PLOD1: variants seen among roughly 807,000 people sequenced by gnomAD.
The protein encoded by PLOD1 is procollagen-lysine,2-oxoglutarate 5-dioxygenase 1.
A neutral mutation model predicts 94.7 loss-of-function variants in PLOD1; 70 were observed. The ratio of observed to expected loss-of-function variants is 0.74; its 90% CI spans 0.61 to 0.90. The LOEUF is 0.90. PLOD1 is among the 40% of genes least tolerant of loss of function. PLOD1 has a pLI of 0.00. For missense variants in PLOD1, 905 were observed against 972.7 expected, an observed-to-expected ratio of 0.93 and a Z score of 0.93; for synonymous variants, 417 against 400.2, an observed-to-expected ratio of 1.04 and a Z score of -0.50.
At chr1:11,968,859 T>C (rs1291557061) in intron 16 of PLOD1, among the ~76,000 whole-genome samples, 34 of 133,022 alleles carry the variant, frequency 2.6e-4, no homozygotes, top group Admixed American at 2.5e-3. Flanking sequence ...TTTTTTTTGG[T>C]GAAGTGGAGC....
At chr1:11,945,937 G>A (rs1645651056) in intron 1 of PLOD1, among the ~76,000 whole-genome samples, 1 of 152,112 alleles carries the variant, frequency 6.6e-6, no homozygotes. Flanking sequence ...TCGAACTCCT[G>A]ATCTCAAGTG....
At chr1:11,948,455 T>A (rs559089613) in intron 2 of PLOD1, among the ~76,000 whole-genome samples, 1 of 152,058 alleles carries the variant, frequency 6.6e-6, no homozygotes, top group Non-Finnish European at 1.5e-5. Flanking sequence ...ACATGAGTGG[T>A]CCCGCACAGG....
rs1557498296 is a variant in PLOD1, at chr1:11,967,594, T to TATATATATATATATATAAA, written c.1755+503_1755+504insATATATATATATATATAAA. ...TTTTTTTTCTTTTCATGTGTGTGTG[T>TATATATATATATATATAAA]GTGTATATATATATATATATAAAAA... On this transcript the variant is annotated intron_variant, in intron 16 of 18. Transcript: ENST00000196061. 3.7e-5 allele frequency among the ~76,000 whole-genome samples: 4 copies of TATATATATATATATATAAA among 109,556 alleles called. 1 individual carries two copies. The highest frequency in any genetic ancestry group is 1.8e-4 in the African/African-American group (4 of 21,796). The allele number at this position is 109,556 out of a possible 152,430, so 71.9% of individuals were successfully genotyped here. A position where few individuals can be genotyped will look rare whatever the true frequency, so the allele number is the denominator to read the frequency against.
Position 11,941,467 on chromosome 1 carries a change from G to GATTATT in PLOD1, c.77-6487_77-6482dup, listed in dbSNP as rs145464263. On this transcript the variant is annotated intron_variant, in intron 1 of 18. Coordinates refer to ENST00000196061, the MANE Select transcript of PLOD1 (RefSeq NM_000302.4). The stretch of plus-strand genomic sequence containing the variant: ...CTGCCTTAGTCTCCTAAGTAGCTGG[G>GATTATT]ATTATTATTATTATTATTATTATTA... Among the ~76,000 whole-genome samples, 156 of 141,898 alleles carry GATTATT rather than the reference G, an allele frequency of 1.1e-3. 2 individuals carry two copies. The East Asian group carries it at 0.019, about 17-fold the overall frequency. The allele number at this position is 141,898 out of a possible 152,430, so 93.1% of individuals were successfully genotyped here. A position where few individuals can be genotyped will look rare whatever the true frequency, so the allele number is the denominator to read the frequency against.
rs181951731 is a variant in PLOD1 at position 11,973,005 on chromosome 1, G to T, written c.2028+8G>T. ...GTCGGGGTGGATTACGAGGTGAGCA[G>T]GAGCCAGCCGGGGTCAAGGGGCCGG... On this transcript the variant is annotated splice_region_variant and intron_variant, in intron 18 of 18. Transcript: ENST00000196061. 225 of 1,613,876 alleles carry T rather than the reference G, an allele frequency of 1.4e-4. No individual in the cohort carries two copies. In the African/African-American group the frequency reaches 2.6e-3, roughly 19 times the overall value.
intron 17 of PLOD1, among the ~76,000 whole-genome samples, chr1:11,971,177 G>A (rs1486999040): frequency 4.7e-5 from 5 of 106,868 alleles, no homozygotes; most frequent in Admixed American, 2.0e-4. Flanking sequence ...TGGGGAGGTC[G>A]AGGCCAGTGT....
Position 11,948,035 on chromosome 1 carries a change from C to T in PLOD1, c.136C>T (p.Arg46Cys), listed in dbSNP as rs138698098. The T allele has an allele frequency of 3.9e-5, 63 of 1,613,814 alleles. No individual in the cohort carries two copies. In the Middle Eastern group the frequency reaches 4.9e-4, roughly 13 times the overall value. Residue 46 changes from arginine to cysteine, a missense_variant, in exon 2 of 19, where the codon CGC becomes TGC. Coordinates refer to ENST00000196061, the MANE Select transcript of PLOD1 (RefSeq NM_000302.4). ...GACCGAGGGATTCCGTCGCTTCAAG[C>T]GCTCAGCTCAGTTCTTCAACTACAA... Reference protein sequence around the residue: ...KETEGFRRFKRSAQFFNYKIQ... With the variant: ...KETEGFRRFKCSAQFFNYKIQ...
chr1:11,961,318 G>A (rs981737227), intron 10 of PLOD1, among the ~76,000 whole-genome samples: 1 of 152,142 alleles, frequency 6.6e-6, no homozygotes, highest in African/African-American at 2.4e-5. Flanking sequence ...CCGGGAAGTC[G>A]AGGTTGCATG....
chr1:11,963,409 T>A lies in PLOD1; in HGVS notation c.1098-123T>A. 1.4e-6 allele frequency: 1 copy of A among 712,292 alleles called. No individual in the cohort carries two copies. Among genetic ancestry groups the A allele is most frequent in the South Asian group, 1.5e-5 (1 of 66,786 alleles). 44.1% of individuals were successfully genotyped at this position (712,292 alleles called of 1,614,324 possible). A position where few individuals can be genotyped will look rare whatever the true frequency, so the allele number is the denominator to read the frequency against. On this transcript the variant is annotated intron_variant, in intron 10 of 18. Transcript: ENST00000196061. The surrounding 1 kb of genome is among the most constrained non-coding windows in gnomAD (Gnocchi z 4.3). The stretch of plus-strand genomic sequence containing the variant: ...AGTCGGGAGGAACCTTTGAGGCTGC[T>A]GGTGTGACCTCTCTAAAGCCCCTTG...
rs530838615 is a variant in PLOD1, at chr1:11,950,223, C to T, written c.303-134C>T. 9.1e-6 allele frequency: 8 copies of T among 882,126 alleles called. No homozygotes were observed. In the African/African-American group the frequency reaches 1.2e-4, roughly 13 times the overall value. The allele number at this position is 882,126 out of a possible 1,614,324, so 54.6% of individuals were successfully genotyped here. A position where few individuals can be genotyped will look rare whatever the true frequency, so the allele number is the denominator to read the frequency against. ...TGCAGACAGAGACAGGTCCATTTCC[C>T]AGATGGTGGCCCAGGCTGGCGTGGG... On this transcript the variant is annotated intron_variant, in intron 3 of 18. Coordinates refer to ENST00000196061, the MANE Select transcript of PLOD1 (RefSeq NM_000302.4).
chr1:11,965,150 C>CT lies in PLOD1; in HGVS notation c.1471-315dup, dbSNP rs570781705. On this transcript the variant is annotated intron_variant, in intron 13 of 18. Transcript: ENST00000196061. Reference sequence around the variant, plus strand: ...CGCCCCACCCCATATATTTTTGTGACTTTTTTTTTTTTTTTAAACATGCAG... The same window carrying CT: ...CGCCCCACCCCATATATTTTTGTGACTTTTTTTTTTTTTTTTAAACATGCAG... 0.032 allele frequency among the ~76,000 whole-genome samples: 4,640 copies of CT among 143,172 alleles called. 208 individuals carry two copies. Among genetic ancestry groups the CT allele is most frequent in the African/African-American group, 0.1 (3,941 of 39,292 alleles). The allele number at this position is 143,172 out of a possible 152,430, so 93.9% of individuals were successfully genotyped here. A position where few individuals can be genotyped will look rare whatever the true frequency, so the allele number is the denominator to read the frequency against.
In PLOD1 at chr1:11,964,812, C is replaced by T. The variant is rs76974801; in HGVS notation, c.1470+27C>T. The T allele has an allele frequency of 2.7e-3, 4,422 of 1,612,486 alleles. 59 individuals carry two copies. The highest frequency in any genetic ancestry group is 0.026 in the East Asian group (1,170 of 44,872). On this transcript the variant is annotated intron_variant, in intron 13 of 18. Transcript: ENST00000196061. ...TCAGCCAGGAGCGGGCAGCACAGGA[C>T]GCCCTCTGGATGGGGCAGGCGGGAA...
Position 11,962,263 on chromosome 1 carries a change from ATTTTTGTTTTCTTT to A in PLOD1, c.1098-1263_1098-1250del, listed in dbSNP as rs1395404921. ...CACATAATTTTTACATCTTCTTTTG[ATTTTTGTTTTCTTT>A]TTTTTTTTTTTTTTTTTGAGATGGA... On this transcript the variant is annotated intron_variant, in intron 10 of 18. Coordinates refer to ENST00000196061, the MANE Select transcript of PLOD1 (RefSeq NM_000302.4). 5.3e-3 allele frequency among the ~76,000 whole-genome samples: 543 copies of A among 103,132 alleles called. 10 individuals carry two copies. Among genetic ancestry groups the A allele is most frequent in the African/African-American group, 0.019 (520 of 26,850 alleles). 67.7% of individuals were successfully genotyped at this position (103,132 alleles called of 152,430 possible).
At chr1:11,942,871 T>A (rs1408386439) in intron 1 of PLOD1, among the ~76,000 whole-genome samples, 1 of 152,180 alleles carries the variant, frequency 6.6e-6, no homozygotes, top group Non-Finnish European at 1.5e-5. Flanking sequence ...GATGCTGATG[T>A]GTGGGCAGGT....
chr1:11,970,708 TA>T lies in PLOD1; in HGVS notation c.1795del (p.Ile599LeufsTer5), dbSNP rs1557500194. On this transcript the variant is annotated frameshift_variant, in exon 17 of 19. Transcript: ENST00000196061. LOFTEE classifies it high-confidence loss of function. ...AGGGTGGCTACGAGAACGTGCCGACTATTGACATCCACATGAACCAGATCGG... is the reference window on the plus strand; with the variant it reads ...AGGGTGGCTACGAGAACGTGCCGACTTTGACATCCACATGAACCAGATCGG... ...IQGGYENVPTIDIHMNQIGFE... is the reference protein window; with the variant it reads ...IQGGYENVPTXDIHMNQIGFE... 1 of 1,613,112 alleles carries T rather than the reference TA, an allele frequency of 6.2e-7. No homozygotes were observed. The highest frequency in any genetic ancestry group is 1.7e-5 in the Admixed American group (1 of 59,932).
chr1:11,938,447 G>T (rs1273778294), intron 1 of PLOD1, among the ~76,000 whole-genome samples: 1 of 151,988 alleles, frequency 6.6e-6, no homozygotes, highest in African/African-American at 2.4e-5. Context: ...TGCTGCCTGG[G>T]GGAGCCTGCT....
Position 11,957,746 on chromosome 1 carries a change from A to G in PLOD1, c.742-96A>G. 1.2e-6 allele frequency: 1 copy of G among 826,990 alleles called. No individual in the cohort carries two copies. Among genetic ancestry groups the G allele is most frequent in the Non-Finnish European group, 2.2e-6 (1 of 461,554 alleles). The allele number at this position is 826,990 out of a possible 1,614,324, so 51.2% of individuals were successfully genotyped here. A position where few individuals can be genotyped will look rare whatever the true frequency, so the allele number is the denominator to read the frequency against. On this transcript the variant is annotated intron_variant, in intron 7 of 18. Coordinates refer to ENST00000196061, the MANE Select transcript of PLOD1 (RefSeq NM_000302.4). This position sits in a 1 kb window ranked among gnomAD's most constrained non-coding sequence, Gnocchi z 4.1. ...CTCTTAGGGAGTGGGAGGGGGCTGG[A>G]TGGTGCTGACCCACTGGGGGCCCAG...
Position 11,957,311 on chromosome 1 carries a change from C to G in PLOD1, c.741+297C>G. 1.7e-6 allele frequency: 1 copy of G among 600,054 alleles called. No homozygotes were observed. 37.2% of individuals were successfully genotyped at this position (600,054 alleles called of 1,614,324 possible). A position where few individuals can be genotyped will look rare whatever the true frequency, so the allele number is the denominator to read the frequency against. On this transcript the variant is annotated intron_variant, in intron 7 of 18. Transcript: ENST00000196061. This position sits in a 1 kb window ranked among gnomAD's most constrained non-coding sequence, Gnocchi z 4.1. ...GCACTGTCACCCCAGGGCAGAGTCA[C>G]TTATTCACTCAGTAAACCTTTATTT...
rs138106022 is a variant in PLOD1 at position 11,949,780 on chromosome 1, G to C, written c.176G>C (p.Gly59Ala). 1 of 1,614,036 alleles carries C rather than the reference G, an allele frequency of 6.2e-7. No homozygotes were observed. Among genetic ancestry groups the C allele is most frequent in the African/African-American group, 1.3e-5 (1 of 75,038 alleles). The change falls in exon 3 of 19, where the codon GGC becomes GCC. Residue 59 changes from glycine (G) to alanine (A), a missense_variant. Transcript: ENST00000196061. Reference protein sequence around the residue: ...QFFNYKIQALGLGEDWNVEKG... With the variant: ...QFFNYKIQALALGEDWNVEKG... Reference sequence around the variant, plus strand: ...AGGGGTGTTTCTCTCCAGGCGCTTGGCCTAGGGGAGGACTGGAATGTGGAG... The same window carrying C: ...AGGGGTGTTTCTCTCCAGGCGCTTGCCCTAGGGGAGGACTGGAATGTGGAG...
Sources: gnomAD v4.1 joint callset for allele counts (sites outside exome capture counted in the v4.1 genomes callset) on GRCh38, gnomAD v4.1.1 for gene constraint, Gnocchi (gnomAD v3.1) non-coding constraint, MANE v1.5 for transcripts, NCBI Gene and HGNC (gene_info 2026-07-23, HGNC 2026-07-21) for gene names.